ABCA12: variants seen among roughly 807,000 people sequenced by gnomAD.
The protein encoded by ABCA12 is glucosylceramide transporter ABCA12.
Under a neutral mutation model 293.5 loss-of-function variants are expected in ABCA12, and 156 were observed. The ratio of observed to expected loss-of-function variants is 0.53; its 90% confidence interval spans 0.47 to 0.61. The LOEUF is 0.61. ABCA12 is among the 20% of genes least tolerant of loss of function. The pLI, the probability that ABCA12 is intolerant of heterozygous loss-of-function variation, is 0.00. For synonymous variants in ABCA12, 1,063 were observed against 1,108.0 expected (o/e 0.96, Z 0.81); for missense variants, 2,797 against 3,090.2 (o/e 0.91, Z 2.25).
intron 3 of ABCA12, among the ~76,000 whole-genome samples, chr2:215,061,930 T>G (rs949306076): frequency 6.6e-6 from 1 of 152,084 alleles, no homozygotes; most frequent in Non-Finnish European, 1.5e-5. Flanking sequence ...AGTTGTCTAC[T>G]TCTTAGATAC....
At chr2:215,075,995 G>A (rs1354530834) in intron 2 of ABCA12, among the ~76,000 whole-genome samples, 1 of 152,202 alleles carries the variant, frequency 6.6e-6, no homozygotes, top group Non-Finnish European at 1.5e-5. Context: ...AACAGTTTGT[G>A]TAATATTTAG....
intron 8 of ABCA12, chr2:215,032,257 GC>G: frequency 2.6e-6 from 1 of 383,512 alleles, no homozygotes; most frequent in Non-Finnish European, 3.9e-6. Context: ...ATCAAATGAA[GC>G]CAATTTTAGT....
At chr2:215,071,244 AT>A (rs1701732403) in intron 2 of ABCA12, among the ~76,000 whole-genome samples, 1 of 144,206 alleles carries the variant, frequency 6.9e-6, no homozygotes. Flanking sequence ...ATAAAATAAA[AT>A]AAAATAAAAT....
rs145800632 is a variant in ABCA12 at position 215,110,276 on chromosome 2, C to T, written c.163+1321G>A. On this transcript the variant is annotated intron_variant, in intron 2 of 52. Transcript: ENST00000272895. ...CTGTAATCCCAGCACTTTGGGAGGCCGAGGTGGGTGGATCACAAGGTCAGG... is the reference window on the plus strand; with the variant it reads ...CTGTAATCCCAGCACTTTGGGAGGCTGAGGTGGGTGGATCACAAGGTCAGG... 3.8e-4 allele frequency among the ~76,000 whole-genome samples: 58 copies of T among 152,144 alleles called. 2 individuals carry two copies. In the East Asian group the frequency reaches 0.01, roughly 27 times the overall value.
At chr2:214,954,419 G>A (rs1292926802) in intron 43 of ABCA12, among the ~76,000 whole-genome samples, 1 of 152,126 alleles carries the variant, frequency 6.6e-6, no homozygotes, top group Admixed American at 6.5e-5. Context: ...GTTGGGGTCT[G>A]TTACACGGTA....
intron 2 of ABCA12, among the ~76,000 whole-genome samples, chr2:215,077,627 G>A (rs938170849): frequency 2.0e-5 from 3 of 152,084 alleles, no homozygotes; most frequent in Middle Eastern, 3.2e-3. Flanking sequence ...CTCCATTACC[G>A]AGCTAAATTA....
chr2:214,983,548 A>C, intron 29 of ABCA12, 99 bp downstream of exon 29: 1 of 1,044,140 alleles, frequency 9.6e-7, no homozygotes, highest in Non-Finnish European at 1.5e-6. Flanking sequence ...TTCGTGAGAA[A>C]ATATTTCCTA....
At chr2:215,083,601 T>A (rs568413179) in intron 2 of ABCA12, among the ~76,000 whole-genome samples, 1 of 152,234 alleles carries the variant, frequency 6.6e-6, no homozygotes, top group Non-Finnish European at 1.5e-5. Context: ...TTTGGATGAA[T>A]GTAAGACGGA....
At chr2:214,967,856 C>T (rs1699299020) in intron 38 of ABCA12, among the ~76,000 whole-genome samples, 2 of 152,118 alleles carry the variant, frequency 1.3e-5, no homozygotes, top group Middle Eastern at 3.2e-3. Context: ...GTGTATGTCT[C>T]TTACTACCAG....
At chr2:215,065,624 C>T (rs758677243) in intron 2 of ABCA12, among the ~76,000 whole-genome samples, 44 of 152,044 alleles carry the variant, frequency 2.9e-4, no homozygotes, top group Non-Finnish European at 4.1e-4. Context: ...AGCTGCAAGT[C>T]AAGGAATATG....
At chr2:215,121,142 CTAAA>C (rs1315804068) in intron 1 of ABCA12, among the ~76,000 whole-genome samples, 13 of 152,168 alleles carry the variant, frequency 8.5e-5, no homozygotes, top group Admixed American at 7.2e-4. Flanking sequence ...CTTAAAGTGA[CTAAA>C]TAAGCTTTTC....
intron 2 of ABCA12, among the ~76,000 whole-genome samples, chr2:215,081,672 T>C (rs1216505808): frequency 1.3e-5 from 2 of 152,120 alleles, no homozygotes; most frequent in Non-Finnish European, 2.9e-5. Flanking sequence ...TACTTTATAG[T>C]ACATTACCAA....
chr2:214,986,420 C>A lies in ABCA12; in HGVS notation c.4163+122G>T, dbSNP rs1024075657. On this transcript the variant is annotated intron_variant, in intron 28 of 52. Transcript: ENST00000272895. ...TTCTATAGCATACAAGTTGAACCAT[C>A]TTCCTCCATCTGGGAAATGTAATAA... 8.8e-6 allele frequency: 9 copies of A among 1,021,186 alleles called. No homozygotes were observed. In the African/African-American group the frequency reaches 1.3e-4, roughly 15 times the overall value. The allele number at this position is 1,021,186 out of a possible 1,614,324, so 63.3% of individuals were successfully genotyped here.
intron 2 of ABCA12, 78 bp from the exon 3 acceptor site, chr2:215,064,297 T>A: frequency 3.5e-6 from 5 of 1,446,310 alleles, no homozygotes; most frequent in Non-Finnish European, 3.7e-6. Context: ...AACTCCACTT[T>A]GTGAAGTTAA....
chr2:214,934,100 A>G lies in ABCA12; in HGVS notation c.7658T>C (p.Val2553Ala), dbSNP rs1209165727. The change falls in exon 52 of 53, where the codon GTG (valine) becomes GCG (alanine). Residue 2553 changes from valine (V) to alanine (A), a missense_variant. Around this residue, in one of 3 missense-constraint regions of ABCA12, gnomAD observed 2,130 missense variants for 2,427.0 expected, o/e 0.88. Transcript: ENST00000272895. ...KTALNITNFLVSQTTLEEVFI... is the reference protein window; with the variant it reads ...KTALNITNFLASQTTLEEVFI... ...TACCTCTTCCAGAGTGGTCTGACTC[A>G]CTAAGAAATTTGTAATATTTAAAGC... is the stretch of plus-strand genomic sequence containing the variant. 6.2e-7 allele frequency: 1 copy of G among 1,613,734 alleles called. No homozygotes were observed. The highest frequency in any genetic ancestry group is 2.2e-5 in the East Asian group (1 of 44,864).
chr2:215,074,246 A>C (rs181839203), intron 2 of ABCA12, among the ~76,000 whole-genome samples: 10 of 152,300 alleles, frequency 6.6e-5, no homozygotes, highest in African/African-American at 2.4e-4. Context: ...CTTACATAAG[A>C]AAATATTTTG....
intron 7 of ABCA12, among the ~76,000 whole-genome samples, chr2:215,044,072 A>G (rs1237304174): frequency 6.6e-6 from 1 of 151,596 alleles, no homozygotes; most frequent in African/African-American, 2.4e-5. Context: ...ATTTTTTTAT[A>G]GAGATTTGAT....
At chr2:215,034,868 C>A (rs1700957359) in intron 8 of ABCA12, among the ~76,000 whole-genome samples, 1 of 152,036 alleles carries the variant, frequency 6.6e-6, no homozygotes, top group African/African-American at 2.4e-5. Context: ...TGGTATGAAG[C>A]CTACAAACCT....
Position 215,019,444 on chromosome 2 carries a change from G to A in ABCA12, c.1549C>T (p.Leu517=), listed in dbSNP as rs1443290108. The A allele has an allele frequency of 2.5e-6, 4 of 1,613,744 alleles. No homozygotes were observed. In the African/African-American group the frequency reaches 4.0e-5, roughly 16 times the overall value. ...TAATTCATTTGCAGTGCCTGTTCTA[G>A]AAACCTGGAACAAAACAGAAAAGAA... The part of the protein sequence containing the change: ...SKINLNMDQF[L]EQALQMNYLE... The change falls in exon 13 of 53, where the codon CTA becomes TTA. Residue 517 remains leucine, a synonymous_variant. Transcript: ENST00000272895.
Sources: gnomAD v4.1 joint callset for allele counts (sites outside exome capture counted in the v4.1 genomes callset) on GRCh38, gnomAD v4.1.1 for gene constraint, gnomAD v4.1.1 regional missense constraint, MANE v1.5 for transcripts, NCBI Gene and HGNC (gene_info 2026-07-23, HGNC 2026-07-21) for gene names.